GMDS: variants seen among roughly 807,000 people sequenced by gnomAD.
GMDS encodes the protein GDP-mannose 4,6-dehydratase.
A neutral mutation model predicts 49.9 loss-of-function variants in GMDS; 20 were observed. That is an observed-to-expected ratio of 0.40 (90% CI 0.28 to 0.58). The LOEUF is 0.58. GMDS is among the 20% of genes least tolerant of loss of function. The probability of loss-of-function intolerance (pLI) is 0.42; values close to 1 mark genes in which losing one functional copy is unlikely to be tolerated. For missense variants in GMDS, 362 were observed against 481.4 expected (o/e 0.75, Z 2.32); for synonymous variants, 177 against 178.6 (o/e 0.99, Z 0.07).
rs138380554 is a variant in GMDS, at chr6:2,227,050, A to G, written c.102+18271T>C. 5.3e-3 allele frequency among the ~76,000 whole-genome samples: 813 copies of G among 152,306 alleles called. 2 individuals are homozygous for G. The highest frequency in any genetic ancestry group is 0.017 in the Middle Eastern group (5 of 294). On this transcript the variant is annotated intron_variant, in intron 1 of 10. Transcript: ENST00000380815. The stretch of plus-strand genomic sequence containing the variant: ...AGAAAAGATAATGCAGGCAGTAATT[A>G]CTTCTGAGTGGTGGGATTGCGGGTG...
At chr6:1,949,694 T>C (rs1288196551) in intron 6 of GMDS, among the ~76,000 whole-genome samples, 1 of 152,184 alleles carries the variant, frequency 6.6e-6, no homozygotes, top group Non-Finnish European at 1.5e-5. Flanking sequence ...AGTCTACAAA[T>C]GCAATGGTAA....
chr6:1,642,858 C>T (rs1417919280), intron 9 of GMDS, among the ~76,000 whole-genome samples: 2 of 152,208 alleles, frequency 1.3e-5, no homozygotes, highest in East Asian at 1.9e-4. Flanking sequence ...CTCCTAAAGC[C>T]GGGCCCCACG....
At chr6:2,082,451 C>G (rs577980622) in intron 4 of GMDS, among the ~76,000 whole-genome samples, 13 of 152,318 alleles carry the variant, frequency 8.5e-5, no homozygotes, top group African/African-American at 2.9e-4. Context: ...TCTGGCAGGT[C>G]CCCTCATAAA....
intron 4 of GMDS, among the ~76,000 whole-genome samples, chr6:1,980,577 G>A (rs1167154916): frequency 6.6e-6 from 1 of 152,048 alleles, no homozygotes; most frequent in African/African-American, 2.4e-5. Flanking sequence ...TTCAAAAAAA[G>A]ACTTAGACTC....
chr6:1,818,628 G>C (rs1036812476), intron 7 of GMDS, among the ~76,000 whole-genome samples: 11 of 142,840 alleles, frequency 7.7e-5, no homozygotes, highest in African/African-American at 2.8e-4. Context: ...AAAAAAAAAA[G>C]TGAGCAAGGG....
At chr6:1,741,811 CAAAA>C (rs758949708) in intron 8 of GMDS, among the ~76,000 whole-genome samples, 7 of 23,054 alleles carry the variant, frequency 3.0e-4, no homozygotes, top group Admixed American at 5.3e-4. Context: ...GACTCTGTCT[CAAAA>C]AAAAAAAAAA....
chr6:1,859,976 T>C (rs976936931), intron 7 of GMDS, among the ~76,000 whole-genome samples: 3 of 152,230 alleles, frequency 2.0e-5, no homozygotes, highest in Non-Finnish European at 4.4e-5. Flanking sequence ...AGGCCTATTA[T>C]ACAGATTGAC....
intron 8 of GMDS, among the ~76,000 whole-genome samples, chr6:1,737,957 CACAT>C (rs1035214693): frequency 4.1e-5 from 6 of 147,582 alleles, no homozygotes; most frequent in Admixed American, 6.8e-5. Flanking sequence ...CACAGATACA[CACAT>C]ACATACACAC....
chr6:1,664,669 T>C (rs1019875782), intron 9 of GMDS, among the ~76,000 whole-genome samples: 2 of 152,222 alleles, frequency 1.3e-5, no homozygotes, highest in African/African-American at 2.4e-5. Flanking sequence ...TTGAGACTCA[T>C]GTAAACTATT....
chr6:1,799,485 CA>C (rs1178920330), intron 7 of GMDS, among the ~76,000 whole-genome samples: 21 of 152,166 alleles, frequency 1.4e-4, no homozygotes, highest in African/African-American at 5.1e-4. Flanking sequence ...AAACTGTGAT[CA>C]AGATATACTT....
chr6:1,802,716 G>A (rs142098213), intron 7 of GMDS, among the ~76,000 whole-genome samples: 5 of 152,180 alleles, frequency 3.3e-5, no homozygotes, highest in Non-Finnish European at 4.4e-5. Context: ...GGGGCGCTCC[G>A]CTGAATGAAC....
At chr6:1,813,672 C>T (rs533942717) in intron 7 of GMDS, among the ~76,000 whole-genome samples, 12 of 152,264 alleles carry the variant, frequency 7.9e-5, no homozygotes, top group Admixed American at 5.2e-4. Flanking sequence ...CCATGCGACA[C>T]GTAAGGTCTT....
At chr6:2,177,319 C>A (rs1195599295) in intron 1 of GMDS, among the ~76,000 whole-genome samples, 1 of 152,094 alleles carries the variant, frequency 6.6e-6, no homozygotes, top group Non-Finnish European at 1.5e-5. Context: ...AAGACAAAAA[C>A]AACTAGACAA....
At chr6:2,158,256 AT>A (rs1777206902) in intron 1 of GMDS, among the ~76,000 whole-genome samples, 4 of 152,180 alleles carry the variant, frequency 2.6e-5, no homozygotes, top group African/African-American at 7.2e-5. Context: ...TTTAAAAACA[AT>A]AGCAAAATAA....
chr6:1,889,480 C>A (rs910098698), intron 7 of GMDS, among the ~76,000 whole-genome samples: 1 of 152,182 alleles, frequency 6.6e-6, no homozygotes, highest in Non-Finnish European at 1.5e-5. Flanking sequence ...TCTCCCTGGA[C>A]AGTTGGTTCA....
intron 1 of GMDS, among the ~76,000 whole-genome samples, chr6:2,194,585 A>C (rs1413083069): frequency 2.0e-5 from 3 of 152,232 alleles, no homozygotes; most frequent in African/African-American, 7.2e-5. Flanking sequence ...TCATTATAAC[A>C]AATTTCAATT....
chr6:1,931,189 T>C (rs1470309097), intron 6 of GMDS, among the ~76,000 whole-genome samples: 3 of 152,256 alleles, frequency 2.0e-5, no homozygotes, highest in African/African-American at 7.2e-5. Context: ...GATATGTGAA[T>C]ATCATGATTT....
At position 1,833,613 on chromosome 6, in the gene GMDS, T is replaced by A. The variant is rs553337483; in HGVS notation, c.772-91027A>T. Among the ~76,000 whole-genome samples, 115 of 152,298 alleles carry A rather than the reference T, an allele frequency of 7.6e-4. No homozygotes were observed. The highest frequency in any genetic ancestry group is 3.1e-3 in the South Asian group (15 of 4,826). ...CTTGAGAGAGAAATGTTTAGACTCA[T>A]GACAAGTCTTTGTGCAGAAAACAAA... On this transcript the variant is annotated intron_variant, in intron 7 of 10. Transcript: ENST00000380815. This position sits in a 1 kb window ranked among gnomAD's most constrained non-coding sequence, Gnocchi z 4.4.
intron 4 of GMDS, among the ~76,000 whole-genome samples, chr6:2,008,782 T>C (rs575098669): frequency 6.6e-6 from 1 of 152,318 alleles, no homozygotes; most frequent in Admixed American, 6.5e-5. Flanking sequence ...TGGAAGTTCC[T>C]TTGCTCCCAA....
Sources: gnomAD v4.1 joint callset for allele counts (sites outside exome capture counted in the v4.1 genomes callset) on GRCh38, gnomAD v4.1.1 for gene constraint, Gnocchi (gnomAD v3.1) non-coding constraint, MANE v1.5 for transcripts, NCBI Gene and HGNC (gene_info 2026-07-23, HGNC 2026-07-21) for gene names.